UTRN: variants seen among roughly 807,000 people sequenced by gnomAD.
UTRN encodes the protein utrophin, also known as dystrophin-related protein 1.
UTRN carries 283 observed loss-of-function variants against 463.9 expected under a neutral mutation model. The observed-to-expected ratio is 0.61, with a 90% confidence interval of 0.55 to 0.67. The LOEUF (loss-of-function observed/expected upper bound fraction) is 0.67, where lower values mean the gene tolerates loss of function less well. Among genes scored for constraint, UTRN ranks in the 30% least tolerant of loss-of-function variants. The pLI is 0.00. For missense variants in UTRN, 3,922 were observed against 4,084.3 expected (o/e 0.96, Z 1.08); for synonymous variants, 1,442 against 1,431.5 (o/e 1.01, Z -0.17).
intron 37 of UTRN, 135 bp downstream of exon 37, chr6:144,514,955 G>A: frequency 2.1e-6 from 2 of 975,366 alleles, no homozygotes; most frequent in Non-Finnish European, 2.8e-6. Flanking sequence ...CACCGAGGCT[G>A]GAGTGCAGTG....
intron 2 of UTRN, among the ~76,000 whole-genome samples, chr6:144,325,298 GT>G (rs1397198792): frequency 6.6e-6 from 1 of 152,198 alleles, no homozygotes; most frequent in Non-Finnish European, 1.5e-5. Flanking sequence ...ATGGATTAAT[GT>G]CATTATTGCA....
At position 144,308,809 on chromosome 6, in the gene UTRN, T is replaced by G. The variant is rs77615154; in HGVS notation, c.79+16902T>G. Among the ~76,000 whole-genome samples, 30 of 152,300 alleles carry G rather than the reference T, an allele frequency of 2.0e-4. No homozygotes were observed. The East Asian group carries it at 5.8e-3, about 29-fold the overall frequency. Reference sequence around the variant, plus strand: ...GGATCCGCTTACAAACATGCTATTGTTTTTCTTCTAGCAAAACTTTACTTT... The same window carrying G: ...GGATCCGCTTACAAACATGCTATTGGTTTTCTTCTAGCAAAACTTTACTTT... On this transcript the variant is annotated intron_variant, in intron 2 of 74. Transcript: ENST00000367545.
chr6:144,503,338 G>C (rs1794388321), intron 34 of UTRN, among the ~76,000 whole-genome samples: 1 of 152,144 alleles, frequency 6.6e-6, no homozygotes, highest in Non-Finnish European at 1.5e-5. Context: ...CCAGTGTCCT[G>C]AATGGTATTG....
At chr6:144,404,742 G>T (rs1406192253) in intron 3 of UTRN, among the ~76,000 whole-genome samples, 2 of 152,112 alleles carry the variant, frequency 1.3e-5, no homozygotes, top group African/African-American at 4.8e-5. Context: ...GAGAGAAATA[G>T]GTAGTAAAAT....
chr6:144,456,666 A>AATAATAATG (rs1491223699), intron 19 of UTRN, among the ~76,000 whole-genome samples: 21 of 145,542 alleles, frequency 1.4e-4, no homozygotes, highest in East Asian at 1.0e-3. Flanking sequence ...TAATAATAAT[A>AATAATAATG]ATAATAATAA....
chr6:144,825,204 T>C (rs983898211), intron 66 of UTRN, among the ~76,000 whole-genome samples: 4 of 152,194 alleles, frequency 2.6e-5, no homozygotes, highest in Admixed American at 2.0e-4. Context: ...TCTAAGTATT[T>C]GTAGCAGAGT....
Position 144,747,233 on chromosome 6 carries a change from A to G in UTRN, c.7940-1013A>G, listed in dbSNP as rs1374928495. ...AAAGAAGAATGTGTTTTCTGTCTCAAATTAATGTACAGTTTATGTCAATTG... is the reference window on the plus strand; with the variant it reads ...AAAGAAGAATGTGTTTTCTGTCTCAGATTAATGTACAGTTTATGTCAATTG... On this transcript the variant is annotated intron_variant, in intron 54 of 74. Transcript: ENST00000367545. Among the ~76,000 whole-genome samples, 4 of 152,320 alleles carry G rather than the reference A, an allele frequency of 2.6e-5. 1 individual carries two copies. The East Asian group carries it at 5.8e-4, about 22-fold the overall frequency.
chr6:144,520,015 C>T (rs1012679176), intron 39 of UTRN, among the ~76,000 whole-genome samples: 2 of 152,158 alleles, frequency 1.3e-5, no homozygotes, highest in Non-Finnish European at 2.9e-5. Flanking sequence ...GAAAGTACTA[C>T]AAAGGTAAAT....
chr6:144,850,784 C>T (rs756524819), intron 74 of UTRN, among the ~76,000 whole-genome samples: 18 of 152,314 alleles, frequency 1.2e-4, no homozygotes, highest in Non-Finnish European at 2.1e-4. Context: ...GACTTTCAGA[C>T]TTCCCTCTAA....
chr6:144,757,784 C>T (rs939715965), intron 57 of UTRN, 145 bp from the exon 58 acceptor site: 1 of 623,958 alleles, frequency 1.6e-6, no homozygotes. Context: ...TTTTGTTTGG[C>T]CCAGTGGATC....
intron 52 of UTRN, among the ~76,000 whole-genome samples, chr6:144,682,273 T>C (rs1471979186): frequency 6.6e-6 from 1 of 152,226 alleles, no homozygotes; most frequent in Non-Finnish European, 1.5e-5. Context: ...GCACCTGGTT[T>C]ATTTCACTTA....
At chr6:144,329,577 A>G (rs1331581982) in intron 2 of UTRN, among the ~76,000 whole-genome samples, 1 of 152,142 alleles carries the variant, frequency 6.6e-6, no homozygotes. Flanking sequence ...TACCTGCTAG[A>G]GTTGTAAGGT....
Position 144,296,476 on chromosome 6 carries a change from A to G in UTRN, c.79+4569A>G, listed in dbSNP as rs544795264. ...CTGCTGCACTTTAATTAACTCCCCA[A>G]GAGCAGGGACCAATACATCCCTGGT... is the stretch of plus-strand genomic sequence containing the variant. On this transcript the variant is annotated intron_variant, in intron 2 of 74. Coordinates refer to ENST00000367545, the MANE Select transcript of UTRN (RefSeq NM_007124.3). Among the ~76,000 whole-genome samples, 9 of 152,352 alleles carry G rather than the reference A, an allele frequency of 5.9e-5. No individual in the cohort carries two copies. The South Asian group carries it at 1.7e-3, about 28-fold the overall frequency.
intron 51 of UTRN, among the ~76,000 whole-genome samples, chr6:144,668,241 G>T (rs1323355579): frequency 6.6e-6 from 1 of 152,134 alleles, no homozygotes; most frequent in African/African-American, 2.4e-5. Context: ...GAGTAGTGAG[G>T]TGCAAAAGGC....
At chr6:144,579,446 T>A (rs927794376) in intron 51 of UTRN, among the ~76,000 whole-genome samples, 2 of 152,166 alleles carry the variant, frequency 1.3e-5, no homozygotes, top group Non-Finnish European at 2.9e-5. Context: ...TTATACACAA[T>A]GAATAAAGGA....
chr6:144,840,261 G>A (rs1781451372), intron 72 of UTRN, among the ~76,000 whole-genome samples: 1 of 151,848 alleles, frequency 6.6e-6, no homozygotes, highest in Non-Finnish European at 1.5e-5. Context: ...TGGATTATAG[G>A]ATAAAAAACA....
At chr6:144,397,789 A>G (rs1358052914) in intron 2 of UTRN, among the ~76,000 whole-genome samples, 2 of 151,984 alleles carry the variant, frequency 1.3e-5, no homozygotes, top group African/African-American at 2.4e-5. Context: ...CTCCTCCTAC[A>G]TGGAAGTGCA....
intron 51 of UTRN, among the ~76,000 whole-genome samples, chr6:144,664,353 T>C (rs1363669746): frequency 1.3e-5 from 2 of 152,226 alleles, no homozygotes; most frequent in Non-Finnish European, 2.9e-5. Flanking sequence ...AATTTTTCTC[T>C]GGGTTTTCTG....
chr6:144,574,214 A>T (rs912653365), intron 50 of UTRN, among the ~76,000 whole-genome samples: 1 of 152,216 alleles, frequency 6.6e-6, no homozygotes, highest in African/African-American at 2.4e-5. Context: ...GGGATCAATT[A>T]TGGAGGAAAT....
Sources: gnomAD v4.1 joint callset for allele counts (sites outside exome capture counted in the v4.1 genomes callset) on GRCh38, gnomAD v4.1.1 for gene constraint, MANE v1.5 for transcripts, NCBI Gene and HGNC (gene_info 2026-07-23, HGNC 2026-07-21) for gene names.